Variants in ADAMTSL1 observed in about 807,000 individuals in gnomAD.
The protein encoded by ADAMTSL1 is ADAMTS-like protein 1.
Under a neutral mutation model 201.8 loss-of-function variants are expected in ADAMTSL1, and 126 were observed. The observed-to-expected ratio is 0.62, with a 90% CI of 0.54 to 0.72. The LOEUF (loss-of-function observed/expected upper bound fraction) is 0.72, where lower values mean the gene tolerates loss of function less well. ADAMTSL1 is among the 30% of genes least tolerant of loss of function. The pLI is 0.00. For missense variants in ADAMTSL1, 2,679 were observed against 2,277.8 expected, an observed-to-expected ratio of 1.18 and a Z score of -3.59; for synonymous variants, 1,121 against 903.4, an observed-to-expected ratio of 1.24 and a Z score of -4.32.
intron 2 of ADAMTSL1, among the ~76,000 whole-genome samples, chr9:18,406,883 A>G (rs1225215589): frequency 6.6e-6 from 1 of 152,202 alleles, no homozygotes; most frequent in Non-Finnish European, 1.5e-5. Flanking sequence ...CCTCATTTGT[A>G]AAACAGGGGT....
chr9:18,394,024 G>A (rs748036201), intron 2 of ADAMTSL1, among the ~76,000 whole-genome samples: 18 of 152,186 alleles, frequency 1.2e-4, no homozygotes, highest in Non-Finnish European at 2.6e-4. Context: ...GATGATCATG[G>A]AAAGTAATAA....
chr9:17,955,155 A>G lies in ADAMTSL1; in HGVS notation c.87+48233A>G, dbSNP rs570967320. On this transcript the variant is annotated intron_variant, in intron 1 of 29. Transcript: ENST00000680146. ...AGACCTAATATGTTGCCTTGAATATACATGCCATGACTTTCTTTTAATAAT... is the reference window on the plus strand; with the variant it reads ...AGACCTAATATGTTGCCTTGAATATGCATGCCATGACTTTCTTTTAATAAT... 6.6e-4 allele frequency among the ~76,000 whole-genome samples: 101 copies of G among 152,286 alleles called. 2 individuals are homozygous for G. The Middle Eastern group carries it at 0.014, about 21-fold the overall frequency.
chr9:17,951,437 C>T (rs915525919), intron 1 of ADAMTSL1, among the ~76,000 whole-genome samples: 1 of 152,108 alleles, frequency 6.6e-6, no homozygotes, highest in Admixed American at 6.6e-5. Context: ...GTATTCTTAC[C>T]AGCTCTGCAG....
At chr9:18,462,852 T>A (rs1025275292) in intron 2 of ADAMTSL1, among the ~76,000 whole-genome samples, 1 of 151,648 alleles carries the variant, frequency 6.6e-6, no homozygotes, top group Non-Finnish European at 1.5e-5. Flanking sequence ...GGCAGGAGAA[T>A]CACTTGAACC....
At chr9:18,242,074 G>A (rs1044183597) in intron 2 of ADAMTSL1, among the ~76,000 whole-genome samples, 106 of 152,072 alleles carry the variant, frequency 7.0e-4, no homozygotes, top group African/African-American at 2.5e-3. Flanking sequence ...AAAACTATAA[G>A]CCAATTCTCT....
intron 3 of ADAMTSL1, among the ~76,000 whole-genome samples, chr9:18,560,840 T>A (rs555704925): frequency 6.6e-6 from 1 of 152,226 alleles, no homozygotes; most frequent in South Asian, 2.1e-4. Flanking sequence ...TTCTGTGGGA[T>A]CGGTGGTGAT....
chr9:18,087,015 TCATCTCC>T (rs1823797806), intron 1 of ADAMTSL1, among the ~76,000 whole-genome samples: 2 of 152,220 alleles, frequency 1.3e-5, no homozygotes, highest in Admixed American at 1.3e-4. Context: ...TTTTGTAAAG[TCATCTCC>T]CAGTCAACAT....
chr9:18,383,533 A>C (rs933261069), intron 2 of ADAMTSL1, among the ~76,000 whole-genome samples: 44 of 152,078 alleles, frequency 2.9e-4, no homozygotes, highest in African/African-American at 1.1e-3. Context: ...AATTTTTTAA[A>C]GTGATAATTA....
intron 2 of ADAMTSL1, among the ~76,000 whole-genome samples, chr9:18,371,331 T>G (rs1837032813): frequency 6.6e-6 from 1 of 152,202 alleles, no homozygotes; most frequent in Non-Finnish European, 1.5e-5. Context: ...AAACACCAAG[T>G]GTCTGTCTCC....
intron 19 of ADAMTSL1, among the ~76,000 whole-genome samples, chr9:18,793,866 T>C (rs1822202488): frequency 6.6e-6 from 1 of 152,160 alleles, no homozygotes; most frequent in Non-Finnish European, 1.5e-5. Flanking sequence ...CACCAAGACA[T>C]CAGGTTCAAG....
At chr9:18,730,497 G>A (rs1818152185) in intron 15 of ADAMTSL1, among the ~76,000 whole-genome samples, 1 of 152,260 alleles carries the variant, frequency 6.6e-6, no homozygotes, top group African/African-American at 2.4e-5. Context: ...AGAAAGATCT[G>A]TCACAAAGCA....
intron 2 of ADAMTSL1, among the ~76,000 whole-genome samples, chr9:18,531,333 A>G (rs1196308803): frequency 1.3e-5 from 2 of 152,210 alleles, no homozygotes; most frequent in African/African-American, 2.4e-5. Flanking sequence ...AATCATCGGT[A>G]TCAGTAAGGT....
At chr9:18,365,413 A>G (rs1220072484) in intron 2 of ADAMTSL1, among the ~76,000 whole-genome samples, 2 of 152,180 alleles carry the variant, frequency 1.3e-5, no homozygotes, top group Non-Finnish European at 2.9e-5. Context: ...AACAAAGCAA[A>G]GGATTGATTA....
intron 2 of ADAMTSL1, among the ~76,000 whole-genome samples, chr9:18,201,805 C>T (rs926456294): frequency 6.6e-6 from 1 of 152,058 alleles, no homozygotes; most frequent in Non-Finnish European, 1.5e-5. Context: ...TGTTATCAAA[C>T]CTATTAACCC....
chr9:18,327,563 C>T (rs558657693), intron 2 of ADAMTSL1, among the ~76,000 whole-genome samples: 1 of 152,276 alleles, frequency 6.6e-6, no homozygotes, highest in South Asian at 2.1e-4. Context: ...ACTATAATAG[C>T]AACAAACTTG....
chr9:18,674,542 A>G (rs575013676), intron 9 of ADAMTSL1, among the ~76,000 whole-genome samples: 1 of 152,034 alleles, frequency 6.6e-6, no homozygotes, highest in Non-Finnish European at 1.5e-5. Context: ...CTCACGGCTC[A>G]CTGTTTCTAC....
At chr9:18,399,064 C>G (rs1212595167) in intron 2 of ADAMTSL1, among the ~76,000 whole-genome samples, 4 of 151,648 alleles carry the variant, frequency 2.6e-5, no homozygotes, top group South Asian at 2.1e-4. Context: ...TAGATGTTCT[C>G]TCCTGGGGTT....
At chr9:18,471,832 C>A (rs368120800), upstream of ADAMTSL1, among the ~76,000 whole-genome samples, 1 of 152,124 alleles carries the variant, frequency 6.6e-6, no homozygotes, top group African/African-American at 2.4e-5. Context: ...TTAGCATGCC[C>A]ATTAAAACTT....
intron 3 of ADAMTSL1, among the ~76,000 whole-genome samples, chr9:18,536,795 A>G (rs1819802058): frequency 1.3e-5 from 2 of 152,226 alleles, no homozygotes; most frequent in African/African-American, 4.8e-5. Flanking sequence ...TTTCACCACA[A>G]GACTAAGTGA....
Sources: allele counts gnomAD v4.1 joint callset (sites outside exome capture counted in the v4.1 genomes callset), GRCh38; gene constraint gnomAD v4.1.1; transcripts MANE v1.5; gene names NCBI Gene and HGNC (gene_info 2026-07-23, HGNC 2026-07-21).